CRY1: variants seen among roughly 807,000 people sequenced by gnomAD.
The protein encoded by CRY1 is cryptochrome circadian regulator 1.
A neutral mutation model predicts 76.0 loss-of-function variants in CRY1; 45 were observed. The observed-to-expected ratio is 0.59, with a 90% CI of 0.47 to 0.76. CRY1 has a LOEUF of 0.76. CRY1 is among the 30% of genes least tolerant of loss of function. The pLI, the probability that CRY1 is intolerant of heterozygous loss-of-function variation, is 0.00. For synonymous variants in CRY1, 248 were observed against 244.0 expected, an observed-to-expected ratio of 1.02 and a Z score of -0.15; for missense variants, 587 against 716.4, an observed-to-expected ratio of 0.82 and a Z score of 2.06.
At chr12:107,064,408 CTTA>C (rs1391562565) in intron 1 of CRY1, among the ~76,000 whole-genome samples, 1 of 152,154 alleles carries the variant, frequency 6.6e-6, no homozygotes, top group Non-Finnish European at 1.5e-5. Context: ...CCGCCACATA[CTTA>C]TTAGAATGGG....
intron 1 of CRY1, among the ~76,000 whole-genome samples, chr12:107,083,745 G>T (rs10746086): frequency 6.6e-6 from 1 of 151,924 alleles, no homozygotes; most frequent in African/African-American, 2.4e-5. Flanking sequence ...ATACTGAATG[G>T]GCAAAAGCTG....
intron 1 of CRY1, among the ~76,000 whole-genome samples, chr12:107,069,549 A>G (rs1953153057): frequency 8.2e-6 from 1 of 122,178 alleles, no homozygotes. Flanking sequence ...ATATATATAA[A>G]GTATATATAT....
chr12:107,028,525 G>T (rs1952640469), intron 1 of CRY1, among the ~76,000 whole-genome samples: 1 of 151,956 alleles, frequency 6.6e-6, no homozygotes, highest in Non-Finnish European at 1.5e-5. Flanking sequence ...TGAAATAAAA[G>T]ACCTAGATAA....
At chr12:107,068,276 A>G (rs538431046) in intron 1 of CRY1, among the ~76,000 whole-genome samples, 32 of 152,296 alleles carry the variant, frequency 2.1e-4, no homozygotes, top group African/African-American at 7.7e-4. Flanking sequence ...TTGAGGTAAA[A>G]TTGTAATACA....
rs1209708092 is a variant in CRY1 at position 107,022,091 on chromosome 12, A to G, written c.260T>C (p.Leu87Pro). 2 of 1,597,134 alleles carry G rather than the reference A, an allele frequency of 1.3e-6. No individual in the cohort carries two copies. The highest frequency in any genetic ancestry group is 1.7e-6 in the Non-Finnish European group (2 of 1,171,142). Reference sequence around the variant, plus strand: ...AAATATTTTTCAAATTACCTTGAAAAGCCTGGGAAACACATCTGCTGGTTG... The same window carrying G: ...AAATATTTTTCAAATTACCTTGAAAGGCCTGGGAAACACATCTGCTGGTTG... ...RGQPADVFPR[L>P]FKEWNITKLS... The change falls in exon 2 of 13, where the codon CTT becomes CCT. Residue 87 changes from leucine (L) to proline (P), a missense_variant. Leu to Pro is a moderately conservative substitution (Grantham distance 98). Transcript: ENST00000008527.
intron 2 of CRY1, among the ~76,000 whole-genome samples, chr12:107,008,108 T>C (rs2136829626): frequency 6.6e-6 from 1 of 152,322 alleles, no homozygotes; most frequent in Non-Finnish European, 1.5e-5. Context: ...GGGCTTTCCC[T>C]ATAAAACGTA....
intron 2 of CRY1, among the ~76,000 whole-genome samples, chr12:107,007,655 G>A (rs1398597968): frequency 2.6e-5 from 4 of 151,184 alleles, no homozygotes; most frequent in East Asian, 1.9e-4. Context: ...TCAACCTCCC[G>A]AGTAGCTAGG....
intron 1 of CRY1, among the ~76,000 whole-genome samples, chr12:107,041,622 A>C (rs1483221707): frequency 6.6e-6 from 1 of 152,226 alleles, no homozygotes; most frequent in East Asian, 1.9e-4. Context: ...AATCATGTAT[A>C]AAATATACTT....
At chr12:107,055,548 C>T (rs776786634) in intron 1 of CRY1, among the ~76,000 whole-genome samples, 5 of 151,330 alleles carry the variant, frequency 3.3e-5, no homozygotes, top group East Asian at 1.9e-4. Context: ...AATAAGTTAG[C>T]GTAAAAAAAA....
chr12:107,031,771 G>A (rs193048758), intron 1 of CRY1, among the ~76,000 whole-genome samples: 234 of 152,194 alleles, frequency 1.5e-3, no homozygotes, highest in African/African-American at 5.2e-3. Context: ...AACCACAGAG[G>A]TCATTAAAAA....
At chr12:106,997,744 A>G in intron 8 of CRY1, 54 bp from the exon 9 acceptor site, 1 of 1,594,786 alleles carries the variant, frequency 6.3e-7, no homozygotes, top group South Asian at 1.1e-5. Flanking sequence ...GCAAACTATA[A>G]CTACTAGCTA....
At position 107,076,248 on chromosome 12, in the gene CRY1, T is replaced by C. The variant is rs530505179; in HGVS notation, c.158+16556A>G. Among the ~76,000 whole-genome samples, 6 of 152,282 alleles carry C rather than the reference T, an allele frequency of 3.9e-5. No homozygotes were observed. The East Asian group carries it at 1.2e-3, about 29-fold the overall frequency. ...TTAATGCACACTTTTCTATTTTTTT[T>C]TTAAATGATTTCCTTTTTCAAGTAA... On this transcript the variant is annotated intron_variant, in intron 1 of 12. Coordinates refer to ENST00000008527, the MANE Select transcript of CRY1 (RefSeq NM_004075.5).
At chr12:107,041,111 G>A (rs940847308) in intron 1 of CRY1, among the ~76,000 whole-genome samples, 1 of 151,874 alleles carries the variant, frequency 6.6e-6, no homozygotes, top group Admixed American at 6.6e-5. Flanking sequence ...AATATGAGAG[G>A]TGAAGCTAAG....
intron 1 of CRY1, among the ~76,000 whole-genome samples, chr12:107,086,627 G>A (rs1953405195): frequency 6.6e-6 from 1 of 152,252 alleles, no homozygotes; most frequent in Admixed American, 6.5e-5. Context: ...GTACTGTCTG[G>A]ACTGCCACTC....
At position 107,093,025 on chromosome 12, in the gene CRY1, A is replaced by C; in HGVS notation, c.-64T>G. On this transcript the variant is annotated 5_prime_UTR_variant, in exon 1 of 13. Transcript: ENST00000008527. Reference sequence around the variant, plus strand: ...GGAAGGAGGCTCCGGCTCATAGCCGACACCTTCGCTTCCAAGAGAATTGCC... The same window carrying C: ...GGAAGGAGGCTCCGGCTCATAGCCGCCACCTTCGCTTCCAAGAGAATTGCC... The C allele has an allele frequency of 6.9e-7, 1 of 1,442,346 alleles. No homozygotes were observed. The highest frequency in any genetic ancestry group is 9.1e-7 in the Non-Finnish European group (1 of 1,101,134). 89.3% of individuals were successfully genotyped at this position (1,442,346 alleles called of 1,614,324 possible).
At chr12:107,008,378 A>T (rs1952398678) in intron 2 of CRY1, among the ~76,000 whole-genome samples, 1 of 152,216 alleles carries the variant, frequency 6.6e-6, no homozygotes, top group Admixed American at 6.5e-5. Flanking sequence ...ATTATGCTAG[A>T]TGCCCCTCTC....
In CRY1 at chr12:106,998,001, A is replaced by G; in HGVS notation, c.1203T>C (p.Ser401=). Residue 401 remains serine (S), a synonymous_variant, in exon 8 of 13, where the codon TCT becomes TCC. Coordinates refer to ENST00000008527, the MANE Select transcript of CRY1 (RefSeq NM_004075.5). ...SINAGSWMWL[S]CSSFFQQFFH... ...AAAACTGTTGAAAAAAGGAACTACA[A>G]GACAGCCACATCCAACTTCCAGCAT... 1 of 1,614,194 alleles carries G rather than the reference A, an allele frequency of 6.2e-7. No homozygotes were observed. Among genetic ancestry groups the G allele is most frequent in the Middle Eastern group, 1.7e-4 (1 of 6,060 alleles).
chr12:106,997,743 A>T, intron 8 of CRY1, 53 bp from the exon 9 acceptor site: 1 of 1,596,802 alleles, frequency 6.3e-7, no homozygotes, highest in Non-Finnish European at 8.6e-7. Context: ...AGCAAACTAT[A>T]ACTACTAGCT....
Position 107,005,106 on chromosome 12 carries a change from T to C in CRY1, c.410A>G (p.Lys137Arg), listed in dbSNP as rs1206920162. The C allele has an allele frequency of 1.3e-6, 2 of 1,597,130 alleles. No homozygotes were observed. The highest frequency in any genetic ancestry group is 1.7e-4 in the Middle Eastern group (1 of 5,980). The change falls in exon 3 of 13, where the codon AAG becomes AGG. Residue 137 changes from lysine to arginine, a missense_variant and splice_region_variant. Transcript: ENST00000008527. ...CAGTAAAAAAAAAAAAAGGACTCAC[T>C]TGTCTAGGTCATATAATGTATGTGA... ...RISHTLYDLD[K>R]IIELNGGQPP... is the part of the protein sequence containing the mutation.
Sources: allele counts gnomAD v4.1 joint callset (sites outside exome capture counted in the v4.1 genomes callset), GRCh38; gene constraint gnomAD v4.1.1; transcripts MANE v1.5; gene names NCBI Gene and HGNC (gene_info 2026-07-23, HGNC 2026-07-21).